Variants in UNC80 observed in about 807,000 individuals in gnomAD.
UNC80 encodes the protein unc-80 subunit of NALCN channel complex, also known as protein unc-80 homolog.
UNC80 carries 164 observed loss-of-function variants against 384.6 expected under a neutral mutation model. The observed-to-expected ratio is 0.43, with a 90% CI of 0.38 to 0.49. The LOEUF is 0.49. UNC80 is among the 20% of genes least tolerant of loss of function. The probability of loss-of-function intolerance (pLI) is 0.00; values close to 1 mark genes in which losing one functional copy is unlikely to be tolerated. For synonymous variants in UNC80, 1,486 were observed against 1,527.8 expected (o/e 0.97, Z 0.64); for missense variants, 3,330 against 4,143.0 (o/e 0.80, Z 5.39).
chr2:209,835,528 C>T (rs1459623097), intron 18 of UNC80, among the ~76,000 whole-genome samples: 1 of 152,222 alleles, frequency 6.6e-6, no homozygotes, highest in Non-Finnish European at 1.5e-5. Context: ...TTAATCTACA[C>T]TTTTCATAAT....
At chr2:209,829,415 G>A (rs917666261) in intron 15 of UNC80, 36 bp downstream of exon 15, 6 of 1,549,274 alleles carry the variant, frequency 3.9e-6, no homozygotes, top group African/African-American at 2.7e-5. Context: ...AGGAGAAGTC[G>A]TTGTGAGGTG....
intron 51 of UNC80, among the ~76,000 whole-genome samples, chr2:209,964,898 T>TAA (rs202210110): frequency 2.6e-5 from 4 of 151,754 alleles, no homozygotes; most frequent in African/African-American, 9.7e-5. Context: ...CCTAATTTGT[T>TAA]AAAAAAAAGT....
chr2:209,994,718 C>T (rs2125035408), intron 64 of UNC80, among the ~76,000 whole-genome samples: 1 of 152,212 alleles, frequency 6.6e-6, no homozygotes, highest in Admixed American at 6.5e-5. Context: ...GTATATAATG[C>T]AAATATTCCA....
intron 24 of UNC80, among the ~76,000 whole-genome samples, chr2:209,878,358 A>T (rs1203832740): frequency 1.3e-5 from 2 of 152,184 alleles, no homozygotes; most frequent in Non-Finnish European, 2.9e-5. Flanking sequence ...GACAAAACAA[A>T]TATTGGTATT....
chr2:209,850,727 C>T (rs568044828), intron 22 of UNC80, among the ~76,000 whole-genome samples: 2 of 152,126 alleles, frequency 1.3e-5, no homozygotes, highest in South Asian at 4.1e-4. Context: ...TTAAAAATTG[C>T]ATCATGTTCA....
At chr2:209,986,311 T>C (rs112018438) in intron 61 of UNC80, among the ~76,000 whole-genome samples, 2,486 of 152,284 alleles carry the variant, frequency 0.016, 72 homozygotes, top group African/African-American at 0.057. Flanking sequence ...TAGCTAGCTT[T>C]GTGCTGGGGC....
chr2:209,976,825 T>C lies in UNC80; in HGVS notation c.8773-88T>C. On this transcript the variant is annotated intron_variant, in intron 57 of 64. Coordinates refer to ENST00000673920, the MANE Select transcript of UNC80 (RefSeq NM_001371986.1). The surrounding 1 kb of genome is among the most constrained non-coding windows in gnomAD (Gnocchi z 4.3). ...AACATCACATGCATTACCTTATTTA[T>C]TCCTCACAACAATGAAATAGGTACA... 7.3e-7 allele frequency: 1 copy of C among 1,373,016 alleles called. No individual in the cohort carries two copies. Among genetic ancestry groups the C allele is most frequent in the Non-Finnish European group, 9.7e-7 (1 of 1,028,932 alleles). The allele number at this position is 1,373,016 out of a possible 1,614,324, so 85.1% of individuals were successfully genotyped here.
intron 7 of UNC80, among the ~76,000 whole-genome samples, chr2:209,803,801 C>G (rs2078707711): frequency 6.6e-6 from 1 of 152,118 alleles, no homozygotes; most frequent in African/African-American, 2.4e-5. Flanking sequence ...GGCATGATGA[C>G]AGCTCACTGT....
In UNC80 at chr2:209,898,578, A is replaced by T. The variant is rs1463409032; in HGVS notation, c.4581+2165A>T. ...AATATGAAATAATCACATCAAGAAG[A>T]ATGGTGTATCCATCTCCTCAAGCAT... On this transcript the variant is annotated intron_variant, in intron 28 of 64. Coordinates refer to ENST00000673920, the MANE Select transcript of UNC80 (RefSeq NM_001371986.1). 3.9e-5 allele frequency among the ~76,000 whole-genome samples: 6 copies of T among 152,184 alleles called. No individual in the cohort carries two copies. The East Asian group carries it at 1.2e-3, about 29-fold the overall frequency.
At chr2:209,827,799 T>A (rs1447241951) in intron 14 of UNC80, among the ~76,000 whole-genome samples, 1 of 152,166 alleles carries the variant, frequency 6.6e-6, no homozygotes, top group Non-Finnish European at 1.5e-5. Flanking sequence ...TTCCCTAGCC[T>A]TTTTTCTTCC....
chr2:209,877,796 A>G (rs1196721477), intron 23 of UNC80, among the ~76,000 whole-genome samples, 158 bp from the exon 24 acceptor site: 2 of 152,210 alleles, frequency 1.3e-5, no homozygotes, highest in African/African-American at 4.8e-5. Flanking sequence ...TGGTTTCCAT[A>G]CTGGCAAATA....
At chr2:209,844,481 TTCC>T (rs1559185935) in intron 21 of UNC80, among the ~76,000 whole-genome samples, 1,090 of 62,492 alleles carry the variant, frequency 0.017, 28 homozygotes, top group African/African-American at 0.026. Flanking sequence ...CTTTCTTTCC[TTCC>T]TTCCTTCCTT....
At chr2:209,922,527 G>T (rs962599699) in intron 35 of UNC80, 144 bp downstream of exon 35, 2 of 1,059,666 alleles carry the variant, frequency 1.9e-6, no homozygotes, top group East Asian at 2.7e-5. Context: ...AATTAGCATG[G>T]CATCCTTTAA....
intron 61 of UNC80, among the ~76,000 whole-genome samples, chr2:209,991,262 T>C (rs1487662077): frequency 3.3e-5 from 5 of 152,202 alleles, no homozygotes; most frequent in Non-Finnish European, 5.9e-5. Flanking sequence ...AATAATCACA[T>C]TGGCATCATC....
chr2:209,880,001 A>C (rs963645042), intron 24 of UNC80, among the ~76,000 whole-genome samples: 3 of 152,208 alleles, frequency 2.0e-5, no homozygotes, highest in Non-Finnish European at 4.4e-5. Flanking sequence ...TATTTTTAGG[A>C]CTGTTCATAT....
chr2:209,849,172 G>C (rs1038308321), intron 21 of UNC80, among the ~76,000 whole-genome samples: 10 of 152,096 alleles, frequency 6.6e-5, no homozygotes, highest in African/African-American at 2.4e-4. Flanking sequence ...GCTCTTACTA[G>C]TATTCAAAAG....
Position 209,967,652 on chromosome 2 carries a change from G to A in UNC80, c.8006+15G>A, listed in dbSNP as rs754985794. On this transcript the variant is annotated intron_variant, in intron 52 of 64. Coordinates refer to ENST00000673920, the MANE Select transcript of UNC80 (RefSeq NM_001371986.1). ...CCTACTTTGAGGTGAGAATGCCTCC[G>A]AGTTAGCTGTTGCTATCACAAATGT... is the stretch of plus-strand genomic sequence containing the variant. The A allele has an allele frequency of 8.4e-6, 13 of 1,548,900 alleles. No homozygotes were observed. The highest frequency in any genetic ancestry group is 2.0e-5 in the Admixed American group (1 of 50,906).
At chr2:209,952,653 A>C (rs2092238577) in intron 47 of UNC80, among the ~76,000 whole-genome samples, 1 of 152,190 alleles carries the variant, frequency 6.6e-6, no homozygotes, top group Admixed American at 6.5e-5. Context: ...TGAACTGAAG[A>C]AGCTTTCTTT....
intron 61 of UNC80, among the ~76,000 whole-genome samples, chr2:209,991,729 G>A (rs1440557474): frequency 1.3e-5 from 2 of 152,112 alleles, no homozygotes; most frequent in African/African-American, 2.4e-5. Flanking sequence ...TGATGTGTTC[G>A]ATATTTGTCC....
Sources: gnomAD v4.1 joint callset for allele counts (sites outside exome capture counted in the v4.1 genomes callset) on GRCh38, gnomAD v4.1.1 for gene constraint, Gnocchi (gnomAD v3.1) non-coding constraint, MANE v1.5 for transcripts, NCBI Gene and HGNC (gene_info 2026-07-23, HGNC 2026-07-21) for gene names.